Variants in MTHFD2L observed in about 807,000 individuals in gnomAD.
MTHFD2L encodes methylenetetrahydrofolate dehydrogenase (NADP+ dependent) 2 like, also known as bifunctional methylenetetrahydrofolate dehydrogenase/cyclohydrolase 2, mitochondrial.
A neutral mutation model predicts 34.9 loss-of-function variants in MTHFD2L; 29 were observed. The ratio of observed to expected loss-of-function variants is 0.83; its 90% CI spans 0.62 to 1.13. The LOEUF (loss-of-function observed/expected upper bound fraction) is 1.13, where lower values mean the gene tolerates loss of function less well. Among genes scored for constraint, MTHFD2L ranks in the 50% most tolerant of loss-of-function variants. The pLI is 0.00. For missense variants in MTHFD2L, 481 were observed against 446.5 expected (o/e 1.08, Z -0.70); for synonymous variants, 167 against 155.7 (o/e 1.07, Z -0.54).
At chr4:74,177,244 C>T (rs1268550441) in intron 3 of MTHFD2L, among the ~76,000 whole-genome samples, 1 of 151,928 alleles carries the variant, frequency 6.6e-6, no homozygotes, top group African/African-American at 2.4e-5. Context: ...ATTAACATCA[C>T]AAATCTGTCC....
intron 3 of MTHFD2L, chr4:74,182,765 G>A (rs1184041389): frequency 2.0e-5 from 3 of 152,148 alleles, no homozygotes; most frequent in Non-Finnish European, 4.4e-5. Flanking sequence ...GATTGTAAAA[G>A]GAAGAGACAT....
chr4:74,158,235 GGA>G lies in MTHFD2L; in HGVS notation c.101_102del (p.Glu34AlafsTer16). On this transcript the variant is annotated frameshift_variant, in exon 1 of 8. Transcript: ENST00000325278. LOFTEE classifies it high-confidence loss of function. ...RSTAPSVRAP[G>X]EPGSAFRGFR... is the part of the protein sequence containing the mutation. ...CACAGCACCCTCCGTAAGGGCACCG[GGA>G]GAGCCCGGGAGTGCGTTCCGGGGCT... 1 of 1,481,822 alleles carries G rather than the reference GGA, an allele frequency of 6.7e-7. No homozygotes were observed. The highest frequency in any genetic ancestry group is 8.9e-7 in the Non-Finnish European group (1 of 1,117,874). 91.8% of individuals were successfully genotyped at this position (1,481,822 alleles called of 1,614,324 possible).
rs766476617 is a variant in MTHFD2L, at chr4:74,292,313, AT to A, written c.932-9382del. 7.6e-4 allele frequency among the ~76,000 whole-genome samples: 116 copies of A among 152,324 alleles called. 1 individual carries two copies. The East Asian group carries it at 0.014, about 18-fold the overall frequency. ...GAGTTAAAGTTGAAACAAAAAATAC[AT>A]TCACAGGAACAAGAGAAGTGACTAA... is the stretch of plus-strand genomic sequence containing the variant. On this transcript the variant is annotated intron_variant, in intron 7 of 7. Transcript: ENST00000325278.
chr4:74,287,999 C>A (rs1386870474), intron 7 of MTHFD2L, among the ~76,000 whole-genome samples: 2 of 152,166 alleles, frequency 1.3e-5, no homozygotes, highest in East Asian at 3.8e-4. Flanking sequence ...GTCAACCTTG[C>A]CAGGTAGATG....
chr4:74,220,984 A>C (rs1203162089), intron 5 of MTHFD2L, among the ~76,000 whole-genome samples: 3 of 150,852 alleles, frequency 2.0e-5, no homozygotes, highest in Non-Finnish European at 4.4e-5. Flanking sequence ...TATTTATTTT[A>C]TAGGATCTAA....
chr4:74,143,844 A>G (rs1352373621), intron 1 of MTHFD2L, among the ~76,000 whole-genome samples: 1 of 152,110 alleles, frequency 6.6e-6, no homozygotes, highest in African/African-American at 2.4e-5. Flanking sequence ...TTATGTTCAG[A>G]TAGGATAAGG....
chr4:74,300,700 C>G (rs1386780744), intron 7 of MTHFD2L, among the ~76,000 whole-genome samples: 1 of 152,024 alleles, frequency 6.6e-6, no homozygotes, highest in Non-Finnish European at 1.5e-5. Flanking sequence ...TTAAATAAAA[C>G]TTGCTGAGAG....
intron 5 of MTHFD2L, among the ~76,000 whole-genome samples, chr4:74,208,144 G>A (rs944614068): frequency 1.8e-4 from 28 of 152,242 alleles, no homozygotes; most frequent in Admixed American, 1.6e-3. Flanking sequence ...AGATGTTGGG[G>A]ATATTATGTT....
chr4:74,120,387 T>C (rs1233198163), upstream of MTHFD2L, among the ~76,000 whole-genome samples: 1 of 152,260 alleles, frequency 6.6e-6, no homozygotes, highest in Non-Finnish European at 1.5e-5. Flanking sequence ...TGCATGAGGA[T>C]ATGTTATGTG....
rs949127362 is a variant in MTHFD2L at position 74,254,090 on chromosome 4, A to G, written c.806-27335A>G. Among the ~76,000 whole-genome samples, 8 of 152,324 alleles carry G rather than the reference A, an allele frequency of 5.3e-5. No individual in the cohort carries two copies. The South Asian group carries it at 8.3e-4, about 16-fold the overall frequency. Reference sequence around the variant, plus strand: ...CCAATAAATGCATTTGGGGACGTCTAGAAGAAACAGAGAACAAAATGTGGG... The same window carrying G: ...CCAATAAATGCATTTGGGGACGTCTGGAAGAAACAGAGAACAAAATGTGGG... On this transcript the variant is annotated intron_variant, in intron 6 of 7. Transcript: ENST00000325278.
At position 74,181,337 on chromosome 4, in the gene MTHFD2L, A is replaced by C. The variant is rs570705965; in HGVS notation, c.451+5934A>C. On this transcript the variant is annotated intron_variant, in intron 3 of 7. Transcript: ENST00000325278. Reference sequence around the variant, plus strand: ...GAATGGTAAATATGTACTATTTACTAATGCCAACACTGTACAGAAGTGCTT... The same window carrying C: ...GAATGGTAAATATGTACTATTTACTCATGCCAACACTGTACAGAAGTGCTT... 1.2e-3 allele frequency among the ~76,000 whole-genome samples: 186 copies of C among 152,334 alleles called. 2 individuals carry two copies. The highest frequency in any genetic ancestry group is 7.6e-4 in the Non-Finnish European group (52 of 68,028).
At chr4:74,137,569 G>A (rs1723019573) in intron 1 of MTHFD2L, among the ~76,000 whole-genome samples, 1 of 152,034 alleles carries the variant, frequency 6.6e-6, no homozygotes, top group African/African-American at 2.4e-5. Flanking sequence ...TCAAAAAACT[G>A]AAAATAGAAC....
At chr4:74,187,394 AT>A (rs911125784) in intron 3 of MTHFD2L, among the ~76,000 whole-genome samples, 6 of 152,316 alleles carry the variant, frequency 3.9e-5, no homozygotes, top group African/African-American at 1.4e-4. Flanking sequence ...TGAAATAATC[AT>A]TGCTGAAACT....
chr4:74,138,965 A>G (rs1723122769), intron 1 of MTHFD2L, among the ~76,000 whole-genome samples: 1 of 152,050 alleles, frequency 6.6e-6, no homozygotes, highest in Non-Finnish European at 1.5e-5. Context: ...TGATTGGTTG[A>G]GTGTGAGCTG....
At chr4:74,215,708 C>T (rs1222039566) in intron 5 of MTHFD2L, among the ~76,000 whole-genome samples, 1 of 151,640 alleles carries the variant, frequency 6.6e-6, no homozygotes, top group East Asian at 1.9e-4. Context: ...CCCTCACGAG[C>T]AGATAGCAAT....
At chr4:74,268,536 C>T (rs1745586623) in intron 6 of MTHFD2L, among the ~76,000 whole-genome samples, 1 of 152,082 alleles carries the variant, frequency 6.6e-6, no homozygotes, top group Admixed American at 6.6e-5. Flanking sequence ...CCTTTTCTTG[C>T]TTCACTGAAT....
intron 6 of MTHFD2L, among the ~76,000 whole-genome samples, chr4:74,244,551 T>C (rs1267976995): frequency 6.6e-6 from 1 of 152,190 alleles, no homozygotes; most frequent in Non-Finnish European, 1.5e-5. Flanking sequence ...GTGCTACTAA[T>C]GAATGTAATT....
chr4:74,175,343 A>G lies in MTHFD2L; in HGVS notation c.391A>G (p.Thr131Ala), dbSNP rs1410856975. 1.2e-6 allele frequency: 2 copies of G among 1,613,156 alleles called. No homozygotes were observed. The highest frequency in any genetic ancestry group is 2.7e-5 in the African/African-American group (2 of 74,888). Reference sequence around the variant, plus strand: ...TTCTCAGGAAGAACTTTTGGACGTAACTGATCAATTGAATATGGACCCAAG... The same window carrying G: ...TTCTCAGGAAGAACTTTTGGACGTAGCTGATCAATTGAATATGGACCCAAG... Reference protein sequence around the residue: ...DVSQEELLDVTDQLNMDPRVS... With the variant: ...DVSQEELLDVADQLNMDPRVS... The change falls in exon 3 of 8, where the codon ACT (threonine) becomes GCT (alanine). Residue 131 changes from threonine to alanine, a missense_variant. By Grantham distance (58) the Thr-to-Ala change is moderately conservative. Transcript: ENST00000325278.
At chr4:74,185,721 C>G (rs548663422) in intron 3 of MTHFD2L, among the ~76,000 whole-genome samples, 1 of 152,252 alleles carries the variant, frequency 6.6e-6, no homozygotes, top group East Asian at 1.9e-4. Flanking sequence ...CCAAAGCTCA[C>G]TCAAAAAGAA....
Sources: gnomAD v4.1 joint callset for allele counts (sites outside exome capture counted in the v4.1 genomes callset) on GRCh38, gnomAD v4.1.1 for gene constraint, MANE v1.5 for transcripts, NCBI Gene and HGNC (gene_info 2026-07-23, HGNC 2026-07-21) for gene names.